The following UNC13C variants were observed in gnomAD, a reference collection of about 807,000 sequenced individuals.
UNC13C encodes unc-13 homolog C, also known as protein unc-13 homolog C.
In UNC13C, 174 loss-of-function variants were observed where a neutral mutation model predicts 245.4. That is an observed-to-expected ratio of 0.71 (90% CI 0.63 to 0.80). The LOEUF (loss-of-function observed/expected upper bound fraction) is 0.80, where lower values mean the gene tolerates loss of function less well. Among genes scored for constraint, UNC13C ranks in the 30% least tolerant of loss-of-function variants. The pLI, the probability that UNC13C is intolerant of heterozygous loss-of-function variation, is 0.00. For synonymous variants in UNC13C, 992 were observed against 895.1 expected (o/e 1.11, Z -1.93); for missense variants, 2,829 against 2,602.9 (o/e 1.09, Z -1.89).
At chr15:54,034,234 TGTAA>T (rs1255660744) in intron 2 of UNC13C, among the ~76,000 whole-genome samples, 1 of 152,206 alleles carries the variant, frequency 6.6e-6, no homozygotes, top group African/African-American at 2.4e-5. Flanking sequence ...CAGCTCTAGC[TGTAA>T]GTGTGTGTCT....
chr15:54,172,704 A>ACACAT (rs755605843), intron 4 of UNC13C, among the ~76,000 whole-genome samples: 1 of 33,022 alleles, frequency 3.0e-5, no homozygotes, highest in Non-Finnish European at 5.0e-5. Flanking sequence ...ACACACACAG[A>ACACAT]TATATATATA....
the UNC13C span, among the ~76,000 whole-genome samples, chr15:53,882,749 A>C: frequency 6.6e-6 from 1 of 152,150 alleles, no homozygotes; most frequent in Admixed American, 6.6e-5. Flanking sequence ...TTACGGATTG[A>C]TATAATCTCT....
chr15:54,423,652 G>T (rs774351819), intron 19 of UNC13C, among the ~76,000 whole-genome samples: 14 of 152,026 alleles, frequency 9.2e-5, no homozygotes, highest in Non-Finnish European at 1.2e-4. Context: ...ATTATTGCCA[G>T]AAGGAAAAAT....
At chr15:54,582,945 G>A (rs1898272337) in intron 30 of UNC13C, among the ~76,000 whole-genome samples, 1 of 152,050 alleles carries the variant, frequency 6.6e-6, no homozygotes, top group African/African-American at 2.4e-5. Context: ...TTTCTGTAAC[G>A]GTAAACTGAC....
chr15:53,977,900 A>G (rs758919061), upstream of UNC13C, among the ~76,000 whole-genome samples: 1 of 152,194 alleles, frequency 6.6e-6, no homozygotes, highest in African/African-American at 2.4e-5. Context: ...TGATTTATGC[A>G]TGTGTCATTA....
intron 30 of UNC13C, chr15:54,611,412 T>C (rs1459547477): frequency 6.6e-6 from 1 of 152,068 alleles, no homozygotes; most frequent in African/African-American, 2.4e-5. Context: ...CACTGGAGAC[T>C]CCCAATTTTC....
intron 19 of UNC13C, among the ~76,000 whole-genome samples, chr15:54,452,300 G>C (rs1280104595): frequency 1.3e-5 from 2 of 152,158 alleles, no homozygotes; most frequent in Non-Finnish European, 1.5e-5. Context: ...AGGTTGGTGG[G>C]TGGGTCCTTG....
At chr15:54,480,716 T>G (rs1893059001) in intron 19 of UNC13C, among the ~76,000 whole-genome samples, 1 of 152,190 alleles carries the variant, frequency 6.6e-6, no homozygotes, top group Non-Finnish European at 1.5e-5. Context: ...ATATTTCCTT[T>G]TCTATGAAAT....
chr15:54,035,011 TCCACTTCC>T (rs1482520083), intron 2 of UNC13C, among the ~76,000 whole-genome samples: 1 of 152,180 alleles, frequency 6.6e-6, no homozygotes, highest in African/African-American at 2.4e-5. Flanking sequence ...AACTAGTACA[TCCACTTCC>T]AAGGATGATT....
chr15:54,227,332 G>T (rs2035415537), intron 4 of UNC13C, among the ~76,000 whole-genome samples: 1 of 152,096 alleles, frequency 6.6e-6, no homozygotes, highest in South Asian at 2.1e-4. Context: ...TGGCAGCCCA[G>T]TCCCCAGGCT....
At chr15:54,566,401 G>T (rs1435206279) in intron 29 of UNC13C, among the ~76,000 whole-genome samples, 2 of 152,020 alleles carry the variant, frequency 1.3e-5, no homozygotes, top group Admixed American at 6.6e-5. Context: ...TAAGATCCAG[G>T]TGTAGAACAA....
intron 19 of UNC13C, among the ~76,000 whole-genome samples, chr15:54,488,527 T>G (rs949484548): frequency 6.6e-6 from 1 of 152,172 alleles, no homozygotes; most frequent in Admixed American, 6.5e-5. Context: ...AAATTTTCCT[T>G]TGGCATGAGA....
chr15:53,872,477 T>C, the UNC13C span, among the ~76,000 whole-genome samples: 2 of 152,206 alleles, frequency 1.3e-5, no homozygotes, highest in Non-Finnish European at 2.9e-5. Flanking sequence ...TAGATTTAGA[T>C]GGTTGTCTAA....
chr15:54,142,094 G>T (rs1041728755), intron 2 of UNC13C, among the ~76,000 whole-genome samples: 2 of 152,150 alleles, frequency 1.3e-5, no homozygotes, highest in Admixed American at 1.3e-4. Context: ...AATAAGCAAA[G>T]ATGAATTAAT....
rs147200264 is a variant in UNC13C at position 54,003,997 on chromosome 15, T to C, written c.-256-8651T>C. ...CAGCACTCCAGCCTGGGCGACAGAG[T>C]GAGACTCCATCTGAAACAAACAAAC... On this transcript the variant is annotated intron_variant, in intron 1 of 32. Transcript: ENST00000260323. Among the ~76,000 whole-genome samples the C allele has an allele frequency of 4.1e-3, 618 of 152,194 alleles. 25 individuals are homozygous for C. In the East Asian group the frequency reaches 0.11, roughly 27 times the overall value.
At chr15:54,476,957 A>G (rs1892781244) in intron 19 of UNC13C, among the ~76,000 whole-genome samples, 1 of 139,458 alleles carries the variant, frequency 7.2e-6, no homozygotes, top group Non-Finnish European at 1.5e-5. Flanking sequence ...ATGTTCTTCC[A>G]TTTGTTTGTA....
intron 17 of UNC13C, among the ~76,000 whole-genome samples, chr15:54,352,565 G>A (rs1276309149): frequency 6.6e-6 from 1 of 151,646 alleles, no homozygotes; most frequent in Non-Finnish European, 1.5e-5. Context: ...TCAGAACAGT[G>A]TCAAACAGAA....
intron 17 of UNC13C, among the ~76,000 whole-genome samples, chr15:54,340,750 T>A (rs1232673850): frequency 6.6e-6 from 1 of 152,132 alleles, no homozygotes; most frequent in Admixed American, 6.5e-5. Context: ...TTTTGCTTAG[T>A]CTTGCTTTGG....
chr15:54,466,659 C>T (rs1323505399), intron 19 of UNC13C, among the ~76,000 whole-genome samples: 1 of 151,802 alleles, frequency 6.6e-6, no homozygotes, highest in African/African-American at 2.4e-5. Context: ...CAAATAAAAA[C>T]AGACCCCACC....
Sources: allele counts gnomAD v4.1 joint callset (sites outside exome capture counted in the v4.1 genomes callset), GRCh38; gene constraint gnomAD v4.1.1; transcripts MANE v1.5; gene names NCBI Gene and HGNC (gene_info 2026-07-23, HGNC 2026-07-21).